MAN1C1: variants seen among roughly 807,000 people sequenced by gnomAD.
MAN1C1 encodes the protein mannosyl-oligosaccharide 1,2-alpha-mannosidase IC.
A neutral mutation model predicts 71.5 loss-of-function variants in MAN1C1; 49 were observed. The ratio of observed to expected loss-of-function variants is 0.69; its 90% CI spans 0.54 to 0.87. The LOEUF (loss-of-function observed/expected upper bound fraction) is 0.87, where lower values mean the gene tolerates loss of function less well. Among genes scored for constraint, MAN1C1 ranks in the 40% least tolerant of loss-of-function variants. The pLI is 0.00. For missense variants in MAN1C1, 743 were observed against 835.0 expected, an observed-to-expected ratio of 0.89 and a Z score of 1.36; for synonymous variants, 352 against 343.7, an observed-to-expected ratio of 1.02 and a Z score of -0.27.
At chr1:25,698,681 G>A (rs1298746927) in intron 2 of MAN1C1, among the ~76,000 whole-genome samples, 1 of 152,202 alleles carries the variant, frequency 6.6e-6, no homozygotes, top group African/African-American at 2.4e-5. Flanking sequence ...GCCGGGTGCA[G>A]TGGTTCATGC....
chr1:25,706,696 A>G (rs1416163208), intron 2 of MAN1C1, among the ~76,000 whole-genome samples: 1 of 152,196 alleles, frequency 6.6e-6, no homozygotes, highest in African/African-American at 2.4e-5. Flanking sequence ...GACTGGGCAA[A>G]TCTAAGGCCA....
chr1:25,660,727 A>G (rs146511171), intron 1 of MAN1C1, among the ~76,000 whole-genome samples: 28 of 150,000 alleles, frequency 1.9e-4, no homozygotes, highest in East Asian at 1.2e-3. Context: ...CTCTTACTCT[A>G]TCACCCAGGC....
chr1:25,782,757 C>A lies in MAN1C1; in HGVS notation c.1766+57C>A. On this transcript the variant is annotated intron_variant, in intron 11 of 11. Transcript: ENST00000374332. The surrounding 1 kb of genome is among the most constrained non-coding windows in gnomAD (Gnocchi z 4.4). Reference sequence around the variant, plus strand: ...CAGGTGGGAGGTTGAGGGTAGGGGTCCGCAGTCCCTCCCCTCCACAGTCAG... The same window carrying A: ...CAGGTGGGAGGTTGAGGGTAGGGGTACGCAGTCCCTCCCCTCCACAGTCAG... 2 of 1,254,574 alleles carry A rather than the reference C, an allele frequency of 1.6e-6. No homozygotes were observed. The highest frequency in any genetic ancestry group is 1.2e-5 in the South Asian group (1 of 82,594). 77.7% of individuals were successfully genotyped at this position (1,254,574 alleles called of 1,614,324 possible). A position where few individuals can be genotyped will look rare whatever the true frequency, so the allele number is the denominator to read the frequency against.
intron 2 of MAN1C1, among the ~76,000 whole-genome samples, chr1:25,722,077 C>A (rs910756457): frequency 9.2e-5 from 14 of 152,210 alleles, no homozygotes; most frequent in African/African-American, 3.1e-4. Flanking sequence ...AGATGGAAGT[C>A]ATTTTCCCTC....
Position 25,746,799 on chromosome 1 carries a change from TC to T in MAN1C1, c.753+17del. On this transcript the variant is annotated intron_variant, in intron 3 of 11. Coordinates refer to ENST00000374332, the MANE Select transcript of MAN1C1 (RefSeq NM_020379.4). This position sits in a 1 kb window ranked among gnomAD's most constrained non-coding sequence, Gnocchi z 4.0. ...CCTGAACGTGGTGAGTCAGAGGCCCTCGGCGGGGGAGGGGGGCGGGGGCCAG... is the reference window on the plus strand; with the variant it reads ...CCTGAACGTGGTGAGTCAGAGGCCCTGGCGGGGGAGGGGGGCGGGGGCCAG... 1 of 308,074 alleles carries T rather than the reference TC, an allele frequency of 3.2e-6. No homozygotes were observed. The highest frequency in any genetic ancestry group is 1.0e-4 in the East Asian group (1 of 9,960). 19.1% of individuals were successfully genotyped at this position (308,074 alleles called of 1,614,324 possible).
In MAN1C1 at chr1:25,711,638, C is replaced by T. The variant is rs939434304; in HGVS notation, c.637+25102C>T. 6.6e-6 allele frequency among the ~76,000 whole-genome samples: 1 copy of T among 150,602 alleles called. No individual in the cohort carries two copies. Among genetic ancestry groups the T allele is most frequent in the African/African-American group, 2.4e-5 (1 of 40,876 alleles). ...ACCACTGTGTGCCAGGCCCTGCTCC[C>T]TGCGGCCCCGCCCCTCCTCCCTGCG... On this transcript the variant is annotated intron_variant, in intron 2 of 11. Coordinates refer to ENST00000374332, the MANE Select transcript of MAN1C1 (RefSeq NM_020379.4). This position sits in a 1 kb window ranked among gnomAD's most constrained non-coding sequence, Gnocchi z 4.3.
intron 2 of MAN1C1, chr1:25,709,665 A>G (rs931551250): frequency 1.3e-5 from 2 of 152,218 alleles, no homozygotes; most frequent in Non-Finnish European, 2.9e-5. Context: ...TTCCTCACCA[A>G]TGCCTGATAC....
chr1:25,769,379 C>G lies in MAN1C1; in HGVS notation c.1142-2278C>G, dbSNP rs1244799696. ...CACACATACACACTCACCCCACACC[C>G]CATACATACATACACACACACACAC... On this transcript the variant is annotated intron_variant, in intron 7 of 11. Coordinates refer to ENST00000374332, the MANE Select transcript of MAN1C1 (RefSeq NM_020379.4). This position sits in a 1 kb window ranked among gnomAD's most constrained non-coding sequence, Gnocchi z 4.8. 2.1e-5 allele frequency among the ~76,000 whole-genome samples: 3 copies of G among 142,038 alleles called. No individual in the cohort carries two copies. The East Asian group carries it at 6.0e-4, about 29-fold the overall frequency. The allele number at this position is 142,038 out of a possible 152,430, so 93.2% of individuals were successfully genotyped here. A position where few individuals can be genotyped will look rare whatever the true frequency, so the allele number is the denominator to read the frequency against.
intron 1 of MAN1C1, among the ~76,000 whole-genome samples, chr1:25,622,253 G>C (rs1270170185): frequency 1.3e-5 from 2 of 152,190 alleles, no homozygotes; most frequent in Non-Finnish European, 1.5e-5. Flanking sequence ...AGTCCTAGCT[G>C]TTCCATCAAC....
rs879716987 is a variant in MAN1C1 at position 25,675,591 on chromosome 1, G to T, written c.541-10849G>T. On this transcript the variant is annotated intron_variant, in intron 1 of 11. Transcript: ENST00000374332. ...ATATAATGACTTATTTTGCGGGGGG[G>T]GGGGGAGGTGGTTACCCAGTGTGGG... 2.0e-4 allele frequency among the ~76,000 whole-genome samples: 29 copies of T among 143,604 alleles called. 2 individuals are homozygous for T. The highest frequency in any genetic ancestry group is 4.4e-4 in the African/African-American group (17 of 39,038). The allele number at this position is 143,604 out of a possible 152,430, so 94.2% of individuals were successfully genotyped here.
intron 6 of MAN1C1, chr1:25,761,197 A>T (rs2047354767): frequency 6.6e-6 from 1 of 152,194 alleles, no homozygotes; most frequent in Non-Finnish European, 1.5e-5. Context: ...CTGAAAAAGG[A>T]TAACAACTGT....
intron 2 of MAN1C1, among the ~76,000 whole-genome samples, chr1:25,743,385 A>G (rs987937282): frequency 6.6e-6 from 1 of 152,210 alleles, no homozygotes; most frequent in Non-Finnish European, 1.5e-5. Flanking sequence ...TTTACTGAAC[A>G]GGGAGTGTGT....
intron 2 of MAN1C1, among the ~76,000 whole-genome samples, chr1:25,726,915 A>G (rs2046839474): frequency 6.6e-6 from 1 of 150,458 alleles, no homozygotes; most frequent in African/African-American, 2.5e-5. Context: ...AAAAAAGCCA[A>G]CTGCGGTGGC....
At chr1:25,683,979 G>A (rs1471249711) in intron 1 of MAN1C1, among the ~76,000 whole-genome samples, 5 of 152,102 alleles carry the variant, frequency 3.3e-5, no homozygotes, top group South Asian at 2.1e-4. Flanking sequence ...CTATGAAAAC[G>A]GGCCACGTTC....
At chr1:25,657,668 C>G (rs182781509) in intron 1 of MAN1C1, among the ~76,000 whole-genome samples, 120 of 152,272 alleles carry the variant, frequency 7.9e-4, no homozygotes, top group Non-Finnish European at 1.5e-3. Flanking sequence ...GACAAACACA[C>G]AAAAAGGAGA....
At position 25,778,059 on chromosome 1, in the gene MAN1C1, C is replaced by A; in HGVS notation, c.1258-46C>A. On this transcript the variant is annotated intron_variant, in intron 8 of 11. Coordinates refer to ENST00000374332, the MANE Select transcript of MAN1C1 (RefSeq NM_020379.4). The surrounding 1 kb of genome is among the most constrained non-coding windows in gnomAD (Gnocchi z 5.5). Reference sequence around the variant, plus strand: ...CCATCCTTTCCCCCCCTTCTCTGTGCCCTCCCACGCCCCTTCTCCCTGCCC... The same window carrying A: ...CCATCCTTTCCCCCCCTTCTCTGTGACCTCCCACGCCCCTTCTCCCTGCCC... The A allele has an allele frequency of 7.2e-7, 1 of 1,387,976 alleles. No homozygotes were observed. The highest frequency in any genetic ancestry group is 9.8e-7 in the Non-Finnish European group (1 of 1,020,968). The allele number at this position is 1,387,976 out of a possible 1,614,324, so 86.0% of individuals were successfully genotyped here. A position where few individuals can be genotyped will look rare whatever the true frequency, so the allele number is the denominator to read the frequency against.
At chr1:25,635,554 ATT>A (rs2124756494) in intron 1 of MAN1C1, among the ~76,000 whole-genome samples, 1 of 149,970 alleles carries the variant, frequency 6.7e-6, no homozygotes, top group South Asian at 2.1e-4. Context: ...AGTTCAAGTG[ATT>A]CTCCTGCCTC....
intron 2 of MAN1C1, among the ~76,000 whole-genome samples, chr1:25,729,220 C>G (rs1572178810): frequency 6.6e-6 from 1 of 152,228 alleles, no homozygotes; most frequent in South Asian, 2.1e-4. Context: ...CCTCCCTGAC[C>G]AGCTTCCTAC....
At chr1:25,692,416 G>A (rs750867656) in intron 2 of MAN1C1, among the ~76,000 whole-genome samples, 2 of 152,018 alleles carry the variant, frequency 1.3e-5, no homozygotes, top group Non-Finnish European at 2.9e-5. Flanking sequence ...TAATTCAGAC[G>A]GGGTCTTGCT....
Sources: gnomAD v4.1 joint callset for allele counts (sites outside exome capture counted in the v4.1 genomes callset) on GRCh38, gnomAD v4.1.1 for gene constraint, Gnocchi (gnomAD v3.1) non-coding constraint, MANE v1.5 for transcripts, NCBI Gene and HGNC (gene_info 2026-07-23, HGNC 2026-07-21) for gene names.